The following SNRPD1 variants were observed in gnomAD, a reference collection of about 807,000 sequenced individuals.
SNRPD1 encodes small nuclear ribonucleoprotein D1 polypeptide, also known as small nuclear ribonucleoprotein Sm D1.
In SNRPD1, 1 loss-of-function variant was observed where a neutral mutation model predicts 14.4. That is an observed-to-expected ratio of 0.07 (90% CI 0.02 to 0.33). SNRPD1 has a LOEUF of 0.33. Ranked by LOEUF, SNRPD1 falls within the 10% of genes least tolerant of loss-of-function variation. The pLI, the probability that SNRPD1 is intolerant of heterozygous loss-of-function variation, is 1.00. For synonymous variants in SNRPD1, 42 were observed against 50.3 expected, an observed-to-expected ratio of 0.83 and a Z score of 0.70; for missense variants, 52 against 146.4, an observed-to-expected ratio of 0.36 and a Z score of 3.33.
intron 1 of SNRPD1, among the ~76,000 whole-genome samples, chr18:21,621,858 G>C (rs981199072): frequency 6.6e-6 from 1 of 152,106 alleles, no homozygotes; most frequent in Non-Finnish European, 1.5e-5. Context: ...ATTATAAATA[G>C]GCATGAGCCA....
chr18:21,620,989 C>T (rs568708327), intron 1 of SNRPD1, among the ~76,000 whole-genome samples: 15 of 151,786 alleles, frequency 9.9e-5, no homozygotes, highest in African/African-American at 3.6e-4. Flanking sequence ...TGGTGAAACC[C>T]CGTCTCTACT....
rs886381300 is a variant in SNRPD1 at position 21,630,053 on chromosome 18, G to A, written c.*915G>A. 1 of 151,914 alleles carries A rather than the reference G, an allele frequency of 6.6e-6. No individual in the cohort carries two copies. The highest frequency in any genetic ancestry group is 2.4e-5 in the African/African-American group (1 of 41,346). 9.4% of individuals were successfully genotyped at this position (151,914 alleles called of 1,614,324 possible). A position where few individuals can be genotyped will look rare whatever the true frequency, so the allele number is the denominator to read the frequency against. The stretch of plus-strand genomic sequence containing the variant: ...CTAATGTCTTACTTTTGTTTCTTTT[G>A]CTTTTTAATCAGTTCTTAATAGGAT... On this transcript the variant is annotated 3_prime_UTR_variant, in exon 4 of 4. Coordinates refer to ENST00000300413, the MANE Select transcript of SNRPD1 (RefSeq NM_006938.4).
chr18:21,627,130 G>A lies in SNRPD1; in HGVS notation c.284-1932G>A, dbSNP rs553954416. ...TAAAAATACAAAAAAGTAGCTGGGC[G>A]TGGTGGTGGGCGCCTGCAGTCCCAG... On this transcript the variant is annotated intron_variant, in intron 3 of 3. Coordinates refer to ENST00000300413, the MANE Select transcript of SNRPD1 (RefSeq NM_006938.4). 1.9e-3 allele frequency among the ~76,000 whole-genome samples: 292 copies of A among 152,052 alleles called. 1 individual carries two copies. Among genetic ancestry groups the A allele is most frequent in the African/African-American group, 3.9e-3 (162 of 41,488 alleles).
At chr18:21,622,140 ATTTC>A (rs2146259331) in intron 1 of SNRPD1, among the ~76,000 whole-genome samples, 1 of 150,004 alleles carries the variant, frequency 6.7e-6, no homozygotes, top group African/African-American at 2.4e-5. Flanking sequence ...GTAATTCTTT[ATTTC>A]TTTTTTTTTT....
rs567962074 is a variant in SNRPD1 at position 21,629,126 on chromosome 18, T to A, written c.348T>A (p.Gly116=). 1.7e-4 allele frequency: 277 copies of A among 1,608,284 alleles called. 2 individuals carry two copies. The South Asian group carries it at 2.8e-3, about 16-fold the overall frequency. Reference sequence around the variant, plus strand: ...GTGGCCGTGGCAGAGGAAGAGGGGGTCCTAGGCGATAATGTCTCTCAAGAT... The same window carrying A: ...GTGGCCGTGGCAGAGGAAGAGGGGGACCTAGGCGATAATGTCTCTCAAGAT... ...RGRGRGRGRG[G]PRR is the part of the protein sequence containing the mutation. Residue 116 remains glycine, a synonymous_variant, in exon 4 of 4, where the codon GGT becomes GGA. Coordinates refer to ENST00000300413, the MANE Select transcript of SNRPD1 (RefSeq NM_006938.4).
chr18:21,612,501 C>T (rs2038925943), intron 1 of SNRPD1, 58 bp downstream of exon 1: 3 of 1,341,900 alleles, frequency 2.2e-6, no homozygotes, highest in South Asian at 1.5e-5. Context: ...GCCCGGAGTC[C>T]GGAAGGCTGG....
rs147442351 is a variant in SNRPD1, at chr18:21,629,287, A to G, written c.*149A>G. The G allele has an allele frequency of 7.8e-5, 48 of 616,550 alleles. No individual in the cohort carries two copies. In the African/African-American group the frequency reaches 8.3e-4, roughly 11 times the overall value. 38.2% of individuals were successfully genotyped at this position (616,550 alleles called of 1,614,324 possible). A position where few individuals can be genotyped will look rare whatever the true frequency, so the allele number is the denominator to read the frequency against. On this transcript the variant is annotated 3_prime_UTR_variant, in exon 4 of 4. Coordinates refer to ENST00000300413, the MANE Select transcript of SNRPD1 (RefSeq NM_006938.4). ...TTTAGTAGTTTCCTCCACATTCACG[A>G]AATTACCACAGTGAGAGCTAAGCAT...
chr18:21,616,264 C>T (rs868730530), intron 1 of SNRPD1, among the ~76,000 whole-genome samples: 6 of 152,108 alleles, frequency 3.9e-5, no homozygotes, highest in South Asian at 2.1e-4. Context: ...GGATTACTGG[C>T]GTGAGCCACT....
At chr18:21,620,998 C>CA (rs2038993026) in intron 1 of SNRPD1, among the ~76,000 whole-genome samples, 1 of 151,168 alleles carries the variant, frequency 6.6e-6, no homozygotes, top group Non-Finnish European at 1.5e-5. Context: ...CCCGTCTCTA[C>CA]TAAAAAAAAA....
At chr18:21,612,518 C>T in intron 1 of SNRPD1, 75 bp downstream of exon 1, 1 of 1,183,966 alleles carries the variant, frequency 8.4e-7, no homozygotes, top group Admixed American at 2.7e-5. Flanking sequence ...CTGGGCTCTC[C>T]CATTTGCAGG....
Position 21,629,039 on chromosome 18 carries a change from GGTTT to G in SNRPD1, c.284-18_284-15del, listed in dbSNP as rs2039060793. 1.9e-6 allele frequency: 3 copies of G among 1,599,118 alleles called. No individual in the cohort carries two copies. The highest frequency in any genetic ancestry group is 1.7e-6 in the Non-Finnish European group (2 of 1,166,522). Reference sequence around the variant, plus strand: ...ATTGGTGCAGGAGAGAATTGAACTTGGTTTGTTTTTCTTTTCCTTCAGTTGCAGG... The same window carrying G: ...ATTGGTGCAGGAGAGAATTGAACTTGGTTTTTCTTTTCCTTCAGTTGCAGG... On this transcript the variant is annotated intron_variant, in intron 3 of 3. Coordinates refer to ENST00000300413, the MANE Select transcript of SNRPD1 (RefSeq NM_006938.4).
chr18:21,632,462 A>G lies in SNRPD1; in HGVS notation c.*3324A>G, dbSNP rs1277556776. ...TGACAGAGCGAGACTGTTTCAAAAA[A>G]AAAAAAAAAATTTGTTTTGAGAGTT... On this transcript the variant is annotated 3_prime_UTR_variant, in exon 4 of 4. Transcript: ENST00000300413. 6.6e-6 allele frequency: 1 copy of G among 152,068 alleles called. No homozygotes were observed. The highest frequency in any genetic ancestry group is 2.4e-5 in the African/African-American group (1 of 41,362). The allele number at this position is 152,068 out of a possible 1,614,324, so 9.4% of individuals were successfully genotyped here.
At chr18:21,622,906 A>AT (rs1266077319) in intron 2 of SNRPD1, 105 bp downstream of exon 2, 85 of 477,396 alleles carry the variant, frequency 1.8e-4, no homozygotes, top group Non-Finnish European at 1.7e-4. Flanking sequence ...ACAAATCCTT[A>AT]TTTTTTTTGT....
intron 1 of SNRPD1, 100 bp downstream of exon 1, chr18:21,612,543 CGTGT>C: frequency 1.1e-6 from 1 of 925,394 alleles, no homozygotes; most frequent in Non-Finnish European, 1.6e-6. Context: ...GGGAAAGCCG[CGTGT>C]GCGCGGCCTG....
chr18:21,618,368 A>T (rs371465188), intron 1 of SNRPD1, among the ~76,000 whole-genome samples: 425 of 151,936 alleles, frequency 2.8e-3, no homozygotes, highest in African/African-American at 9.7e-3. Context: ...AAACCTCTGT[A>T]TATCTTTATT....
chr18:21,620,152 C>T (rs1370200921), intron 1 of SNRPD1, among the ~76,000 whole-genome samples: 1 of 152,120 alleles, frequency 6.6e-6, no homozygotes, highest in East Asian at 1.9e-4. Flanking sequence ...GATGGGATTT[C>T]ACCATATTGG....
chr18:21,616,453 G>C (rs1356303661), intron 1 of SNRPD1, among the ~76,000 whole-genome samples: 1 of 151,652 alleles, frequency 6.6e-6, no homozygotes, highest in Non-Finnish European at 1.5e-5. Flanking sequence ...TGCCTTCCAG[G>C]TTCAAGCGAT....
chr18:21,618,431 C>T (rs994726794), intron 1 of SNRPD1, among the ~76,000 whole-genome samples: 6 of 150,930 alleles, frequency 4.0e-5, no homozygotes, highest in Non-Finnish European at 7.4e-5. Context: ...TGAGCCACCG[C>T]GCCTGGCCAC....
At chr18:21,627,842 C>G (rs1424049891) in intron 3 of SNRPD1, among the ~76,000 whole-genome samples, 1 of 152,106 alleles carries the variant, frequency 6.6e-6, no homozygotes, top group African/African-American at 2.4e-5. Flanking sequence ...TCTCACATTT[C>G]TCTGATTGTC....
Sources: gnomAD v4.1 joint callset for allele counts (sites outside exome capture counted in the v4.1 genomes callset) on GRCh38, gnomAD v4.1.1 for gene constraint, MANE v1.5 for transcripts, NCBI Gene and HGNC (gene_info 2026-07-23, HGNC 2026-07-21) for gene names.